Variants in ANTXR1 observed in about 807,000 individuals in gnomAD.
The protein encoded by ANTXR1 is ANTXR cell adhesion molecule 1.
ANTXR1 carries 19 observed loss-of-function variants against 78.1 expected under a neutral mutation model. The ratio of observed to expected loss-of-function variants is 0.24; its 90% CI spans 0.17 to 0.36. The LOEUF (loss-of-function observed/expected upper bound fraction) is 0.36, where lower values mean the gene tolerates loss of function less well. Ranked by LOEUF, ANTXR1 falls within the 10% of genes least tolerant of loss-of-function variation. ANTXR1 has a pLI of 1.00. For missense variants in ANTXR1, 518 were observed against 718.6 expected, an observed-to-expected ratio of 0.72 and a Z score of 3.19; for synonymous variants, 273 against 260.5, an observed-to-expected ratio of 1.05 and a Z score of -0.46.
intron 6 of ANTXR1, among the ~76,000 whole-genome samples, chr2:69,075,252 C>T (rs183183705): frequency 9.2e-5 from 14 of 152,232 alleles, no homozygotes; most frequent in South Asian, 6.2e-4. Context: ...TACAAAGAAA[C>T]GTATGTCAGT....
intron 3 of ANTXR1, among the ~76,000 whole-genome samples, chr2:69,059,974 A>G (rs1670186627): frequency 6.6e-6 from 1 of 152,250 alleles, no homozygotes; most frequent in African/African-American, 2.4e-5. Flanking sequence ...ATAGAGTTGT[A>G]TAAAGAAGAG....
intron 16 of ANTXR1, among the ~76,000 whole-genome samples, chr2:69,185,686 T>G (rs1176565450): frequency 6.6e-6 from 1 of 152,144 alleles, no homozygotes; most frequent in Non-Finnish European, 1.5e-5. Context: ...ACTGCGGTGA[T>G]TTTTCAGGCA....
intron 1 of ANTXR1, among the ~76,000 whole-genome samples, chr2:69,017,909 C>T (rs1021468412): frequency 2.0e-5 from 3 of 152,170 alleles, no homozygotes; most frequent in East Asian, 1.9e-4. Flanking sequence ...AGCACCCCCC[C>T]ACCCTCTCTT....
intron 2 of ANTXR1, among the ~76,000 whole-genome samples, chr2:69,040,762 T>A (rs550803809): frequency 6.6e-6 from 1 of 152,328 alleles, no homozygotes; most frequent in East Asian, 1.9e-4. Flanking sequence ...CTCCAAGGGA[T>A]AACACAACAG....
chr2:69,029,018 A>C (rs1219763663), intron 1 of ANTXR1, among the ~76,000 whole-genome samples: 1 of 149,450 alleles, frequency 6.7e-6, no homozygotes, highest in Non-Finnish European at 1.5e-5. Context: ...GGAGTTCGAG[A>C]CCAGCCTGGG....
chr2:69,118,897 C>G (rs1338323675), intron 10 of ANTXR1, among the ~76,000 whole-genome samples: 1 of 152,064 alleles, frequency 6.6e-6, no homozygotes, highest in Non-Finnish European at 1.5e-5. Flanking sequence ...AAACAGGCTC[C>G]AAACCAAACA....
At chr2:69,037,559 T>A (rs1471149765) in intron 1 of ANTXR1, among the ~76,000 whole-genome samples, 2 of 152,178 alleles carry the variant, frequency 1.3e-5, no homozygotes, top group Non-Finnish European at 2.9e-5. Flanking sequence ...AACCTCAGCC[T>A]CCCGGGTTCA....
chr2:69,124,173 G>A (rs1054207536), intron 11 of ANTXR1, among the ~76,000 whole-genome samples: 1 of 152,180 alleles, frequency 6.6e-6, no homozygotes, highest in Non-Finnish European at 1.5e-5. Context: ...GCAGAATATT[G>A]CATTTATAGT....
Position 69,245,669 on chromosome 2 carries a change from A to T in ANTXR1, c.*184A>T. The stretch of plus-strand genomic sequence containing the variant: ...AAAGAAACAGATATTTTAAATTGCC[A>T]GAAAACAAATGATGAGGCAACTACA... On this transcript the variant is annotated 3_prime_UTR_variant, in exon 18 of 18. Coordinates refer to ENST00000303714, the MANE Select transcript of ANTXR1 (RefSeq NM_032208.3). The T allele has an allele frequency of 1.2e-6, 1 of 856,094 alleles. No homozygotes were observed. The highest frequency in any genetic ancestry group is 1.8e-6 in the Non-Finnish European group (1 of 557,744). The allele number at this position is 856,094 out of a possible 1,614,324, so 53.0% of individuals were successfully genotyped here.
intron 16 of ANTXR1, 63 bp from the exon 17 acceptor site, chr2:69,193,272 C>A: frequency 1.4e-6 from 2 of 1,452,434 alleles, no homozygotes; most frequent in Non-Finnish European, 1.9e-6. Context: ...GTTCTGTGAG[C>A]CTACGGCGGC....
At chr2:69,135,056 T>C (rs578135688) in intron 12 of ANTXR1, 4 of 413,580 alleles carry the variant, frequency 9.7e-6, no homozygotes, top group East Asian at 1.4e-4. Context: ...AATATCAGAG[T>C]GCGGAACTCA....
chr2:69,056,467 GA>G lies in ANTXR1; in HGVS notation c.296+11664del, dbSNP rs909699676. Among the ~76,000 whole-genome samples the G allele has an allele frequency of 4.0e-3, 592 of 146,274 alleles. 3 individuals are homozygous for G. The highest frequency in any genetic ancestry group is 0.014 in the African/African-American group (542 of 40,014). Reference sequence around the variant, plus strand: ...ATATTTGAGGTATAACAAAAGTATAGAAAAAAAAAAGGTTAATGAACACTCA... The same window carrying G: ...ATATTTGAGGTATAACAAAAGTATAGAAAAAAAAAGGTTAATGAACACTCA... On this transcript the variant is annotated intron_variant, in intron 3 of 17. Coordinates refer to ENST00000303714, the MANE Select transcript of ANTXR1 (RefSeq NM_032208.3).
chr2:69,234,747 G>C (rs1675710846), intron 17 of ANTXR1, among the ~76,000 whole-genome samples: 1 of 151,866 alleles, frequency 6.6e-6, no homozygotes, highest in South Asian at 2.1e-4. Flanking sequence ...TGGGCAACAA[G>C]AGCAAAACTC....
At chr2:69,221,533 G>A (rs776770637) in intron 17 of ANTXR1, among the ~76,000 whole-genome samples, 1 of 152,140 alleles carries the variant, frequency 6.6e-6, no homozygotes, top group Non-Finnish European at 1.5e-5. Flanking sequence ...CTACTGTAAT[G>A]TCAGGCAGAA....
chr2:69,180,707 G>A (rs2104461310), intron 14 of ANTXR1, among the ~76,000 whole-genome samples: 1 of 152,318 alleles, frequency 6.6e-6, no homozygotes, highest in African/African-American at 2.4e-5. Context: ...ACAATTGTAA[G>A]CATGACAAAC....
At position 69,027,384 on chromosome 2, in the gene ANTXR1, G is replaced by C. The variant is rs1377143502; in HGVS notation, c.153-12660G>C. 3.3e-5 allele frequency among the ~76,000 whole-genome samples: 5 copies of C among 152,300 alleles called. No homozygotes were observed. The South Asian group carries it at 8.3e-4, about 25-fold the overall frequency. ...TATAGCACAATGCGAACCTGAAGTAGAGGCCAGGCCAAAGCATCCCCTACA... is the reference window on the plus strand; with the variant it reads ...TATAGCACAATGCGAACCTGAAGTACAGGCCAGGCCAAAGCATCCCCTACA... On this transcript the variant is annotated intron_variant, in intron 1 of 17. Coordinates refer to ENST00000303714, the MANE Select transcript of ANTXR1 (RefSeq NM_032208.3).
At chr2:69,027,372 G>GA (rs2104014005) in intron 1 of ANTXR1, among the ~76,000 whole-genome samples, 1 of 152,294 alleles carries the variant, frequency 6.6e-6, no homozygotes, top group African/African-American at 2.4e-5. Flanking sequence ...AGCACAATGC[G>GA]AACCTGAAGT....
chr2:69,070,020 T>G (rs369398221), intron 3 of ANTXR1, among the ~76,000 whole-genome samples: 1 of 152,186 alleles, frequency 6.6e-6, no homozygotes, highest in African/African-American at 2.4e-5. Flanking sequence ...AAAGATTCCA[T>G]TTGGCCCCCA....
intron 13 of ANTXR1, among the ~76,000 whole-genome samples, chr2:69,152,940 C>T (rs1016452889): frequency 6.6e-6 from 1 of 152,114 alleles, no homozygotes; most frequent in African/African-American, 2.4e-5. Context: ...GACGATAATC[C>T]CAAATGGTAA....
Sources: gnomAD v4.1 joint callset for allele counts (sites outside exome capture counted in the v4.1 genomes callset) on GRCh38, gnomAD v4.1.1 for gene constraint, MANE v1.5 for transcripts, NCBI Gene and HGNC (gene_info 2026-07-23, HGNC 2026-07-21) for gene names.